The following LHX4 variants were observed in gnomAD, a reference collection of about 807,000 sequenced individuals.
LHX4 encodes the protein LIM/homeobox protein Lhx4.
A neutral mutation model predicts 39.2 loss-of-function variants in LHX4; 16 were observed. The observed-to-expected ratio is 0.41, with a 90% CI of 0.28 to 0.62. The LOEUF is 0.62. LHX4 is among the 20% of genes least tolerant of loss of function. The pLI is 0.33. For synonymous variants in LHX4, 206 were observed against 198.1 expected (o/e 1.04, Z -0.33); for missense variants, 439 against 511.9 (o/e 0.86, Z 1.37).
At chr1:180,263,505 C>T (rs560098397) in intron 2 of LHX4, among the ~76,000 whole-genome samples, 1 of 152,266 alleles carries the variant, frequency 6.6e-6, no homozygotes, top group Admixed American at 6.5e-5. Flanking sequence ...GTGCTGCATG[C>T]GGCTCCCTCG....
chr1:180,250,455 G>A (rs1647579269), intron 2 of LHX4, among the ~76,000 whole-genome samples: 1 of 152,206 alleles, frequency 6.6e-6, no homozygotes, highest in Non-Finnish European at 1.5e-5. Flanking sequence ...GGTCGGGTGA[G>A]CTGCCCTGCT....
chr1:180,241,001 T>A (rs752726744), intron 1 of LHX4, among the ~76,000 whole-genome samples: 1 of 152,252 alleles, frequency 6.6e-6, no homozygotes, highest in Non-Finnish European at 1.5e-5. Flanking sequence ...AGAAATAGTC[T>A]CTTTTCCTTT....
In LHX4 at chr1:180,274,459, G is replaced by A. The variant is rs143072371; in HGVS notation, c.1053G>A (p.Thr351=). 10 of 1,614,022 alleles carry A rather than the reference G, an allele frequency of 6.2e-6. No individual in the cohort carries two copies. The highest frequency in any genetic ancestry group is 2.2e-5 in the East Asian group (1 of 44,892). Reference sequence around the variant, plus strand: ...ATGCAGGGCAGGGAGTAAGCCAGACGCTGAGAGCCATGGCTGGGGGACCCA... The same window carrying A: ...ATGCAGGGCAGGGAGTAAGCCAGACACTGAGAGCCATGGCTGGGGGACCCA... ...IAHAGQGVSQ[T]LRAMAGGPTS... Residue 351 remains threonine (T), a synonymous_variant, in exon 6 of 6, where the codon ACG becomes ACA. Transcript: ENST00000263726.
upstream of LHX4, among the ~76,000 whole-genome samples, chr1:180,229,523 G>A (rs1042767588): frequency 6.6e-6 from 1 of 152,198 alleles, no homozygotes; most frequent in African/African-American, 2.4e-5. Flanking sequence ...GTTCCGGGCC[G>A]AGTACGGGCT....
intron 1 of LHX4, among the ~76,000 whole-genome samples, chr1:180,245,484 G>A (rs1203767182): frequency 1.3e-5 from 2 of 152,362 alleles, no homozygotes; most frequent in Non-Finnish European, 2.9e-5. Flanking sequence ...GCCCCAAGCC[G>A]CTGGCATAAT....
At chr1:180,229,387 G>A (rs1297812032), upstream of LHX4, among the ~76,000 whole-genome samples, 2 of 152,118 alleles carry the variant, frequency 1.3e-5, no homozygotes, top group African/African-American at 4.8e-5. Context: ...AGGCAAGTGC[G>A]GACTCCGGCT....
At chr1:180,257,771 C>T (rs1647920783) in intron 2 of LHX4, among the ~76,000 whole-genome samples, 1 of 152,188 alleles carries the variant, frequency 6.6e-6, no homozygotes, top group Non-Finnish European at 1.5e-5. Flanking sequence ...CAGGACGGTG[C>T]ACCGTTCCAT....
Position 180,274,308 on chromosome 1 carries a change from A to G in LHX4, c.902A>G (p.Asp301Gly). The G allele has an allele frequency of 6.2e-7, 1 of 1,614,230 alleles. No homozygotes were observed. Among genetic ancestry groups the G allele is most frequent in the African/African-American group, 1.3e-5 (1 of 75,058 alleles). ...GACGGGACAGGACAATCCTATCAGG[A>G]CTTGAGGGATGGGAGCCCCTATGGA... ...SMDGTGQSYQDLRDGSPYGIP... is the reference protein window; with the variant it reads ...SMDGTGQSYQGLRDGSPYGIP... Residue 301 changes from aspartate to glycine, a missense_variant, in exon 6 of 6, where the codon GAC becomes GGC. By Grantham distance (94) the Asp-to-Gly change is moderately conservative (BLOSUM62 -1). Transcript: ENST00000263726.
intron 5 of LHX4, 32 bp from the exon 6 acceptor site, chr1:180,274,153 C>T: frequency 1.2e-6 from 2 of 1,613,876 alleles, no homozygotes; most frequent in Non-Finnish European, 1.7e-6. Context: ...GTCCTGGCAG[C>T]TGACAATAAA....
At chr1:180,229,448 T>C (rs1664107993), upstream of LHX4, among the ~76,000 whole-genome samples, 1 of 151,974 alleles carries the variant, frequency 6.6e-6, no homozygotes, top group Non-Finnish European at 1.5e-5. Context: ...TCCCGCCACC[T>C]CCGCGCACAG....
intron 2 of LHX4, among the ~76,000 whole-genome samples, chr1:180,261,188 G>A (rs948273568): frequency 4.0e-5 from 6 of 148,772 alleles, no homozygotes; most frequent in African/African-American, 1.5e-4. Context: ...CAGGTGTGTC[G>A]GGAGGCTCGG....
intron 2 of LHX4, among the ~76,000 whole-genome samples, chr1:180,249,787 G>A (rs551359771): frequency 6.6e-5 from 10 of 152,346 alleles, no homozygotes; most frequent in Admixed American, 2.6e-4. Context: ...TAACCAGTGC[G>A]TGGGGCTGCC....
In LHX4 at chr1:180,269,140, T is replaced by TG. The variant is rs34208363; in HGVS notation, c.452-2229dup. On this transcript the variant is annotated intron_variant, in intron 3 of 5. Transcript: ENST00000263726. ...CCTGTAGGAATTAATGTAGAGTGTG[T>TG]GGGGGGGGGGGTGGTATATTCTGAG... is the stretch of plus-strand genomic sequence containing the variant. Among the ~76,000 whole-genome samples the TG allele has an allele frequency of 9.0e-3, 1,364 of 151,096 alleles. 12 individuals are homozygous for TG. Among genetic ancestry groups the TG allele is most frequent in the South Asian group, 0.028 (134 of 4,728 alleles).
intron 2 of LHX4, among the ~76,000 whole-genome samples, chr1:180,263,852 C>G (rs754831084): frequency 6.6e-6 from 1 of 152,096 alleles, no homozygotes; most frequent in Non-Finnish European, 1.5e-5. Context: ...CCCTCTGTTC[C>G]GGGGTCTCCT....
intron 2 of LHX4, among the ~76,000 whole-genome samples, chr1:180,261,026 A>C (rs1417100278): frequency 2.0e-5 from 3 of 151,866 alleles, no homozygotes; most frequent in African/African-American, 7.3e-5. Flanking sequence ...TGGCGACAGC[A>C]AGTGGGATGT....
chr1:180,254,143 C>T (rs1399338722), intron 2 of LHX4, among the ~76,000 whole-genome samples: 1 of 152,220 alleles, frequency 6.6e-6, no homozygotes, highest in Admixed American at 6.5e-5. Flanking sequence ...ATATTTCCAT[C>T]TGCCCGTCAG....
rs529394115 is a variant in LHX4, at chr1:180,234,659, G to T, written c.76+4054G>T. Among the ~76,000 whole-genome samples, 16 of 152,390 alleles carry T rather than the reference G, an allele frequency of 1.0e-4. No homozygotes were observed. The highest frequency in any genetic ancestry group is 3.6e-4 in the African/African-American group (15 of 41,604). Reference sequence around the variant, plus strand: ...ACTGTTAAAGCCGGACACGGAGCACGCAGGTGCAGCAGGTGAGGGGCAAAG... The same window carrying T: ...ACTGTTAAAGCCGGACACGGAGCACTCAGGTGCAGCAGGTGAGGGGCAAAG... On this transcript the variant is annotated intron_variant, in intron 1 of 5. Coordinates refer to ENST00000263726, the MANE Select transcript of LHX4 (RefSeq NM_033343.4). This position sits in a 1 kb window ranked among gnomAD's most constrained non-coding sequence, Gnocchi z 4.8.
intron 3 of LHX4, chr1:180,270,814 A>T (rs2149265773): frequency 6.1e-6 from 1 of 164,670 alleles, no homozygotes; most frequent in African/African-American, 2.4e-5. Flanking sequence ...GTGACTTTAC[A>T]GCCCACGAGT....
intron 2 of LHX4, among the ~76,000 whole-genome samples, chr1:180,256,088 A>C (rs357065): frequency 0.67 from 101,604 of 152,138 alleles, 35,862 homozygotes; most frequent in African/African-American, 0.91. Flanking sequence ...CATGGGGTTC[A>C]CCACTCCAAA....
Sources: allele counts gnomAD v4.1 joint callset (sites outside exome capture counted in the v4.1 genomes callset), GRCh38; gene constraint gnomAD v4.1.1; non-coding constraint Gnocchi (gnomAD v3.1); transcripts MANE v1.5; gene names NCBI Gene and HGNC (gene_info 2026-07-23, HGNC 2026-07-21).